Variants in CPNE8 observed in about 807,000 individuals in gnomAD.
CPNE8 encodes the protein copine-8.
Under a neutral mutation model 81.5 loss-of-function variants are expected in CPNE8, and 45 were observed. That is an observed-to-expected ratio of 0.55 (90% confidence interval 0.44 to 0.71). The LOEUF is 0.71. Ranked by LOEUF, CPNE8 falls within the 30% of genes least tolerant of loss-of-function variation. The pLI is 0.00. For synonymous variants in CPNE8, 252 were observed against 226.3 expected (o/e 1.11, Z -1.02); for missense variants, 594 against 672.1 (o/e 0.88, Z 1.28).
intron 6 of CPNE8, among the ~76,000 whole-genome samples, chr12:38,796,791 G>T (rs928315274): frequency 6.6e-6 from 1 of 152,012 alleles, no homozygotes; most frequent in African/African-American, 2.4e-5. Context: ...CCCTTTCCTA[G>T]TCAAAGAAAG....
chr12:38,890,529 T>G (rs1794986928), intron 1 of CPNE8, among the ~76,000 whole-genome samples: 1 of 152,218 alleles, frequency 6.6e-6, no homozygotes, highest in Non-Finnish European at 1.5e-5. Context: ...TTTCTAAAAT[T>G]TTATTTTACA....
At chr12:38,806,547 C>A (rs143250821) in intron 6 of CPNE8, among the ~76,000 whole-genome samples, 5,360 of 149,962 alleles carry the variant, frequency 0.036, 585 homozygotes, top group East Asian at 0.25. Flanking sequence ...TGACAAAATT[C>A]AACAACCCTT....
At chr12:38,848,455 C>T (rs1185165506) in intron 4 of CPNE8, 104 bp downstream of exon 4, 2 of 1,407,838 alleles carry the variant, frequency 1.4e-6, no homozygotes, top group Non-Finnish European at 9.2e-7. Context: ...TGGTTTCCTG[C>T]CAATATAATC....
intron 8 of CPNE8, among the ~76,000 whole-genome samples, chr12:38,766,012 C>A (rs1012416360): frequency 2.0e-5 from 3 of 152,074 alleles, no homozygotes; most frequent in African/African-American, 7.2e-5. Context: ...GCACCTGCCA[C>A]CACGCCCAGC....
At chr12:38,831,448 G>A (rs1467864774) in intron 5 of CPNE8, among the ~76,000 whole-genome samples, 1 of 152,138 alleles carries the variant, frequency 6.6e-6, no homozygotes, top group Admixed American at 6.5e-5. Context: ...GTTAATAAGA[G>A]GCAAAGTGTT....
At chr12:38,708,078 A>T (rs1343071601) in intron 13 of CPNE8, among the ~76,000 whole-genome samples, 1 of 152,224 alleles carries the variant, frequency 6.6e-6, no homozygotes, top group East Asian at 1.9e-4. Context: ...TGTGAATATC[A>T]GTTTGTTCAA....
chr12:38,849,926 T>G (rs1387435809), intron 3 of CPNE8, among the ~76,000 whole-genome samples: 1 of 152,160 alleles, frequency 6.6e-6, no homozygotes, highest in East Asian at 1.9e-4. Flanking sequence ...ATAAGAAAAT[T>G]AAAGCAGAGT....
chr12:38,669,227 TA>T (rs1369970841), intron 19 of CPNE8, among the ~76,000 whole-genome samples: 1 of 152,136 alleles, frequency 6.6e-6, no homozygotes, highest in Non-Finnish European at 1.5e-5. Context: ...ATTATCTTTT[TA>T]AAAAAACTAT....
Position 38,704,826 on chromosome 12 carries a change from GTATATATATATA to G in CPNE8, c.915-1917_915-1906del, listed in dbSNP as rs573232937. On this transcript the variant is annotated intron_variant, in intron 13 of 19. Transcript: ENST00000331366. ...GGACCATCTGTGTGTGTATGTATGT[GTATATATATATA>G]TATATATATATATATATATATATAT... 2.4e-4 allele frequency among the ~76,000 whole-genome samples: 12 copies of G among 50,194 alleles called. No individual in the cohort carries two copies. The East Asian group carries it at 2.4e-3, about 10-fold the overall frequency. 32.9% of individuals were successfully genotyped at this position (50,194 alleles called of 152,430 possible).
chr12:38,749,543 A>C (rs1302517781), intron 10 of CPNE8, among the ~76,000 whole-genome samples: 2 of 152,196 alleles, frequency 1.3e-5, no homozygotes, highest in Non-Finnish European at 2.9e-5. Context: ...CTTTCACCAA[A>C]AGCCTGATAG....
intron 3 of CPNE8, among the ~76,000 whole-genome samples, chr12:38,866,496 T>G (rs1943915458): frequency 6.6e-6 from 1 of 152,226 alleles, no homozygotes; most frequent in African/African-American, 2.4e-5. Context: ...TCCTCTCTCC[T>G]GTATCATTAG....
chr12:38,848,767 T>C, intron 3 of CPNE8, 105 bp from the exon 4 acceptor site: 9 of 1,341,498 alleles, frequency 6.7e-6, no homozygotes, highest in Non-Finnish European at 8.7e-6. Context: ...GCAATAAATA[T>C]CCAAATAATA....
chr12:38,675,603 A>G, intron 18 of CPNE8, 114 bp downstream of exon 18: 1 of 694,118 alleles, frequency 1.4e-6, no homozygotes, highest in South Asian at 1.8e-5. Context: ...TTATATACAA[A>G]CCCAAATACA....
chr12:38,662,682 A>C (rs1470813418), intron 19 of CPNE8, among the ~76,000 whole-genome samples: 1 of 152,130 alleles, frequency 6.6e-6, no homozygotes, highest in East Asian at 1.9e-4. Context: ...AAATAGCCAA[A>C]GCAATTCTGA....
intron 6 of CPNE8, among the ~76,000 whole-genome samples, chr12:38,782,165 G>A (rs1249393580): frequency 6.6e-6 from 1 of 152,004 alleles, no homozygotes; most frequent in African/African-American, 2.4e-5. Context: ...AGGAATACAG[G>A]AATTTTCTGT....
chr12:38,818,894 CT>C (rs879642049), intron 6 of CPNE8, among the ~76,000 whole-genome samples: 26 of 152,170 alleles, frequency 1.7e-4, no homozygotes, highest in Non-Finnish European at 3.1e-4. Flanking sequence ...TGTTGATGAG[CT>C]TTTTTTCATA....
At chr12:38,795,223 G>A (rs931067834) in intron 6 of CPNE8, among the ~76,000 whole-genome samples, 1 of 152,082 alleles carries the variant, frequency 6.6e-6, no homozygotes, top group Admixed American at 6.6e-5. Flanking sequence ...CTTGTGAATG[G>A]GTAGGTCAAT....
chr12:38,730,850 C>T (rs972508942), intron 10 of CPNE8, among the ~76,000 whole-genome samples: 2 of 100,380 alleles, frequency 2.0e-5, no homozygotes, highest in Non-Finnish European at 4.4e-5. Context: ...ATAGTCACTA[C>T]ACTTTTTTTC....
At chr12:38,780,972 T>A (rs1942040740) in intron 6 of CPNE8, among the ~76,000 whole-genome samples, 1 of 151,932 alleles carries the variant, frequency 6.6e-6, no homozygotes. Flanking sequence ...GACACTAATG[T>A]TAAAAACTAA....
Sources: allele counts gnomAD v4.1 joint callset (sites outside exome capture counted in the v4.1 genomes callset), GRCh38; gene constraint gnomAD v4.1.1; transcripts MANE v1.5; gene names NCBI Gene and HGNC (gene_info 2026-07-23, HGNC 2026-07-21).